The following TMEM117 variants were observed in gnomAD, a reference collection of about 807,000 sequenced individuals.
TMEM117 encodes the protein transmembrane protein 117.
A neutral mutation model predicts 52.4 loss-of-function variants in TMEM117; 27 were observed. The observed-to-expected ratio is 0.51, with a 90% confidence interval of 0.38 to 0.71. The LOEUF (loss-of-function observed/expected upper bound fraction) is 0.71. Ranked by LOEUF, TMEM117 falls within the 30% of genes least tolerant of loss-of-function variation. The pLI, the probability that TMEM117 is intolerant of heterozygous loss-of-function variation, is 0.00. For synonymous variants in TMEM117, 215 were observed against 206.3 expected, an observed-to-expected ratio of 1.04 and a Z score of -0.36; for missense variants, 556 against 630.5, an observed-to-expected ratio of 0.88 and a Z score of 1.26.
At chr12:43,812,651 A>C in the TMEM117 span, among the ~76,000 whole-genome samples, 1 of 152,090 alleles carries the variant, frequency 6.6e-6, no homozygotes, top group African/African-American at 2.4e-5. Flanking sequence ...TGCACTTGGC[A>C]ATTTTGATCA....
intron 5 of TMEM117, among the ~76,000 whole-genome samples, chr12:44,265,566 AAT>A (rs1278891597): frequency 2.8e-4 from 42 of 152,256 alleles, no homozygotes; most frequent in African/African-American, 9.4e-4. Context: ...CCGTTTGGGA[AAT>A]AGTTTCTTTT....
At chr12:43,983,139 G>A (rs1218354019) in intron 3 of TMEM117, among the ~76,000 whole-genome samples, 1 of 152,106 alleles carries the variant, frequency 6.6e-6, no homozygotes, top group African/African-American at 2.4e-5. Flanking sequence ...TTTCTGACAT[G>A]CTTTAAGATG....
intron 4 of TMEM117, among the ~76,000 whole-genome samples, chr12:44,152,638 A>C (rs1389711691): frequency 2.3e-5 from 3 of 128,348 alleles, no homozygotes; most frequent in Non-Finnish European, 4.7e-5. Flanking sequence ...ATCATATATA[A>C]ATTTTTATAT....
At chr12:43,865,033 C>A (rs1943563498) in intron 2 of TMEM117, among the ~76,000 whole-genome samples, 1 of 151,982 alleles carries the variant, frequency 6.6e-6, no homozygotes, top group East Asian at 1.9e-4. Flanking sequence ...CCTGAGGCAG[C>A]GAGACTACGA....
intron 4 of TMEM117, among the ~76,000 whole-genome samples, chr12:44,206,553 G>T (rs1949569751): frequency 6.6e-6 from 1 of 152,108 alleles, no homozygotes; most frequent in Non-Finnish European, 1.5e-5. Flanking sequence ...GCAAGATGTG[G>T]AATCAACCTA....
intron 4 of TMEM117, among the ~76,000 whole-genome samples, chr12:44,149,576 C>T (rs1948692885): frequency 6.6e-6 from 1 of 152,076 alleles, no homozygotes; most frequent in Non-Finnish European, 1.5e-5. Flanking sequence ...AAGGAGTTAA[C>T]TGTTTGTGTT....
At chr12:44,064,437 T>C (rs745398025) in intron 3 of TMEM117, among the ~76,000 whole-genome samples, 3 of 152,196 alleles carry the variant, frequency 2.0e-5, no homozygotes, top group Non-Finnish European at 4.4e-5. Context: ...AATCGAATCT[T>C]TGATTCTGCC....
chr12:43,935,422 A>G (rs1944935618), intron 2 of TMEM117, among the ~76,000 whole-genome samples: 1 of 152,218 alleles, frequency 6.6e-6, no homozygotes, highest in African/African-American at 2.4e-5. Context: ...AATAGGGATT[A>G]CATTTCTTGT....
At chr12:44,054,411 C>T (rs531572986) in intron 3 of TMEM117, among the ~76,000 whole-genome samples, 1 of 152,140 alleles carries the variant, frequency 6.6e-6, no homozygotes, top group Non-Finnish European at 1.5e-5. Context: ...TATTGCAAAT[C>T]CCCCTGAATA....
chr12:44,390,696 A>C (rs1256286879), downstream of TMEM117, among the ~76,000 whole-genome samples: 1 of 151,878 alleles, frequency 6.6e-6, no homozygotes, highest in African/African-American at 2.4e-5. Flanking sequence ...AACAATTTCC[A>C]AGGACATTTT....
chr12:44,180,908 G>T (rs1467487085), intron 4 of TMEM117, among the ~76,000 whole-genome samples: 2 of 151,808 alleles, frequency 1.3e-5, no homozygotes, highest in Non-Finnish European at 2.9e-5. Context: ...TCCAGTTCTA[G>T]ATCCCTGAGG....
intron 3 of TMEM117, among the ~76,000 whole-genome samples, chr12:43,980,558 G>A (rs1402223255): frequency 1.3e-5 from 2 of 152,130 alleles, no homozygotes; most frequent in Non-Finnish European, 2.9e-5. Flanking sequence ...TGAAACCCTA[G>A]CCTGAATAAT....
chr12:44,050,595 A>C (rs78752432), intron 3 of TMEM117, among the ~76,000 whole-genome samples: 975 of 152,318 alleles, frequency 6.4e-3, no homozygotes, highest in Admixed American at 0.011. Flanking sequence ...ACTCTGCCTC[A>C]GTCTCTTTCT....
chr12:44,285,740 T>C (rs1950630584), intron 5 of TMEM117, among the ~76,000 whole-genome samples: 1 of 152,208 alleles, frequency 6.6e-6, no homozygotes, highest in African/African-American at 2.4e-5. Flanking sequence ...ACAATATTGA[T>C]CATTAAAACA....
chr12:43,995,040 G>A (rs1946003542), intron 3 of TMEM117, among the ~76,000 whole-genome samples: 2 of 152,132 alleles, frequency 1.3e-5, no homozygotes, highest in Admixed American at 6.5e-5. Flanking sequence ...ACTTTGGGAG[G>A]CTGAGGCGGG....
At chr12:44,233,792 T>G (rs1314289587) in intron 5 of TMEM117, among the ~76,000 whole-genome samples, 2 of 151,482 alleles carry the variant, frequency 1.3e-5, no homozygotes, top group Non-Finnish European at 3.0e-5. Flanking sequence ...TGATTTTGAC[T>G]GCTGAATAAA....
At chr12:44,127,638 T>C (rs572893287) in intron 3 of TMEM117, among the ~76,000 whole-genome samples, 31 of 152,100 alleles carry the variant, frequency 2.0e-4, no homozygotes, top group Admixed American at 5.9e-4. Context: ...ATCGTGCCAT[T>C]GCACTCCAGC....
At chr12:43,945,727 A>G (rs984672624) in intron 3 of TMEM117, among the ~76,000 whole-genome samples, 1 of 152,226 alleles carries the variant, frequency 6.6e-6, no homozygotes, top group Non-Finnish European at 1.5e-5. Flanking sequence ...GTGTGTTGAA[A>G]TAGTTACTGA....
chr12:44,118,236 A>G (rs996043033), intron 3 of TMEM117, among the ~76,000 whole-genome samples: 2 of 152,204 alleles, frequency 1.3e-5, no homozygotes, highest in Admixed American at 6.5e-5. Context: ...CATGGGAAAT[A>G]ATTTTATGTT....
Sources: gnomAD v4.1 joint callset for allele counts (sites outside exome capture counted in the v4.1 genomes callset) on GRCh38, gnomAD v4.1.1 for gene constraint, MANE v1.5 for transcripts, NCBI Gene and HGNC (gene_info 2026-07-23, HGNC 2026-07-21) for gene names.